Variants in DOCK5 observed in about 807,000 individuals in gnomAD.
DOCK5 encodes the protein dedicator of cytokinesis protein 5.
Under a neutral mutation model 251.8 loss-of-function variants are expected in DOCK5, and 142 were observed. The observed-to-expected ratio is 0.56, with a 90% CI of 0.49 to 0.65. The LOEUF (loss-of-function observed/expected upper bound fraction) is 0.65. DOCK5 is among the 30% of genes least tolerant of loss of function. The pLI, the probability that DOCK5 is intolerant of heterozygous loss-of-function variation, is 0.00. For synonymous variants in DOCK5, 842 were observed against 835.5 expected (o/e 1.01, Z -0.13); for missense variants, 2,111 against 2,312.3 (o/e 0.91, Z 1.79).
At position 25,259,151 on chromosome 8, in the gene DOCK5, GAATA is replaced by G. The variant is rs896431900; in HGVS notation, c.128-9687_128-9684del. ...TGAATAAATGAATGAATGCATGAAT[GAATA>G]AATAAAGCCAGAAGACTTATCTCCT... On this transcript the variant is annotated intron_variant, in intron 2 of 51. Transcript: ENST00000276440. 1.2e-4 allele frequency among the ~76,000 whole-genome samples: 18 copies of G among 152,276 alleles called. 1 individual carries two copies. The South Asian group carries it at 2.9e-3, about 25-fold the overall frequency.
intron 37 of DOCK5, chr8:25,375,776 A>G (rs1437460295): frequency 1.0e-5 from 10 of 985,322 alleles, no homozygotes; most frequent in Non-Finnish European, 1.1e-5. Flanking sequence ...TTCACAATTC[A>G]TATTTAAGTT....
chr8:25,302,348 C>G lies in DOCK5; in HGVS notation c.870C>G (p.Ile290Met). 6.2e-7 allele frequency: 1 copy of G among 1,612,920 alleles called. No homozygotes were observed. Among genetic ancestry groups the G allele is most frequent in the Non-Finnish European group, 8.5e-7 (1 of 1,179,406 alleles). ...VFTDLSSMDLIRPRVSLVCQI... is the reference protein window; with the variant it reads ...VFTDLSSMDLMRPRVSLVCQI... ...AGGACCTTAGCAGCATGGACCTCAT[C>G]CGGCCCCGCGTCAGCCTTGTGTGCC... The change falls in exon 10 of 52, where the codon ATC (isoleucine) becomes ATG (methionine). Residue 290 changes from isoleucine to methionine, a missense_variant. Ile to Met is a conservative substitution (Grantham distance 10). Transcript: ENST00000276440.
intron 13 of DOCK5, among the ~76,000 whole-genome samples, chr8:25,310,873 A>C (rs1805074147): frequency 1.3e-5 from 2 of 152,060 alleles, no homozygotes; most frequent in South Asian, 2.1e-4. Context: ...AATGCTTTTA[A>C]ACATAACTCA....
intron 3 of DOCK5, among the ~76,000 whole-genome samples, chr8:25,273,535 G>A (rs1219057274): frequency 2.0e-5 from 3 of 152,350 alleles, no homozygotes; most frequent in African/African-American, 7.2e-5. Flanking sequence ...CCCGGAGGGC[G>A]GAGGTTGCAG....
intron 27 of DOCK5, among the ~76,000 whole-genome samples, chr8:25,357,502 C>G (rs145192852): frequency 6.7e-6 from 1 of 150,368 alleles, no homozygotes; most frequent in African/African-American, 2.5e-5. Context: ...CTCAGCCTCC[C>G]GAGTAGCTGG....
intron 16 of DOCK5, among the ~76,000 whole-genome samples, chr8:25,321,634 C>A (rs775822860): frequency 1.3e-5 from 2 of 152,002 alleles, no homozygotes; most frequent in Non-Finnish European, 2.9e-5. Context: ...CAACAGGAGG[C>A]GGAGCTCAGG....
rs1389586266 is a variant in DOCK5, at chr8:25,215,932, T to TATAC, written c.44-27741_44-27740insTACA. Reference sequence around the variant, plus strand: ...AATCTTTTCAAATCCTGGAAATAAATACACACACACACACACACACACACA... The same window carrying TATAC: ...AATCTTTTCAAATCCTGGAAATAAATATACACACACACACACACACACACACACA... On this transcript the variant is annotated intron_variant, in intron 1 of 51. Transcript: ENST00000276440. 3.8e-3 allele frequency among the ~76,000 whole-genome samples: 531 copies of TATAC among 141,264 alleles called. 4 individuals carry two copies. Among genetic ancestry groups the TATAC allele is most frequent in the African/African-American group, 0.012 (487 of 39,048 alleles). The allele number at this position is 141,264 out of a possible 152,430, so 92.7% of individuals were successfully genotyped here.
At chr8:25,347,332 C>T (rs1024583430) in intron 26 of DOCK5, among the ~76,000 whole-genome samples, 2 of 152,190 alleles carry the variant, frequency 1.3e-5, no homozygotes, top group African/African-American at 2.4e-5. Flanking sequence ...CTTCCCTAAG[C>T]CCCTGTAGCC....
intron 1 of DOCK5, among the ~76,000 whole-genome samples, chr8:25,190,829 G>C (rs1239873400): frequency 8.3e-6 from 1 of 120,714 alleles, no homozygotes; most frequent in African/African-American, 3.0e-5. Flanking sequence ...TGTCGCCCAG[G>C]GTGGAGTGCA....
chr8:25,278,192 C>A (rs1804097836), intron 4 of DOCK5, among the ~76,000 whole-genome samples: 2 of 152,172 alleles, frequency 1.3e-5, no homozygotes, highest in South Asian at 4.1e-4. Context: ...ACACACCTTT[C>A]CATCCAGCCT....
chr8:25,401,196 G>A, intron 47 of DOCK5, 130 bp downstream of exon 47: 3 of 1,305,268 alleles, frequency 2.3e-6, no homozygotes, highest in Non-Finnish European at 3.2e-6. Flanking sequence ...GAGGCTGGTG[G>A]GAGAGAGTGT....
At chr8:25,356,593 A>G (rs909195761) in intron 27 of DOCK5, among the ~76,000 whole-genome samples, 12 of 151,980 alleles carry the variant, frequency 7.9e-5, no homozygotes, top group Non-Finnish European at 1.8e-4. Flanking sequence ...CTTGAGCCCC[A>G]GGGAAGTCGA....
At chr8:25,351,518 C>T in intron 26 of DOCK5, 1 of 508,672 alleles carries the variant, frequency 2.0e-6, no homozygotes, top group East Asian at 3.4e-5. Flanking sequence ...CAGCCACATT[C>T]ATCTTTTAAG....
intron 37 of DOCK5, chr8:25,376,387 T>C: frequency 1.0e-6 from 1 of 984,704 alleles, no homozygotes; most frequent in Non-Finnish European, 1.2e-6. Context: ...ATTACTAAAT[T>C]CTTATTTTGG....
At chr8:25,401,657 C>T (rs549712798) in intron 47 of DOCK5, among the ~76,000 whole-genome samples, 1 of 152,136 alleles carries the variant, frequency 6.6e-6, no homozygotes, top group South Asian at 2.1e-4. Context: ...TTGCTTGTAC[C>T]CAGGAGGCGG....
intron 4 of DOCK5, among the ~76,000 whole-genome samples, chr8:25,276,254 T>C (rs1161264252): frequency 6.6e-6 from 1 of 152,170 alleles, no homozygotes; most frequent in Non-Finnish European, 1.5e-5. Flanking sequence ...GGGGAAACAA[T>C]CTGACCCTAC....
At chr8:25,374,350 G>A (rs1462791514) in intron 36 of DOCK5, among the ~76,000 whole-genome samples, 2 of 152,000 alleles carry the variant, frequency 1.3e-5, no homozygotes, top group African/African-American at 4.8e-5. Context: ...CAAAAGATAC[G>A]AAAATTAGCC....
intron 1 of DOCK5, among the ~76,000 whole-genome samples, chr8:25,240,809 G>C (rs1802920022): frequency 6.6e-6 from 1 of 152,200 alleles, no homozygotes; most frequent in African/African-American, 2.4e-5. Context: ...TCTCAAGACA[G>C]TGGGGGTTTA....
chr8:25,325,678 GCT>G, intron 18 of DOCK5, 131 bp downstream of exon 18: 1 of 1,061,830 alleles, frequency 9.4e-7, no homozygotes, highest in Non-Finnish European at 1.3e-6. Flanking sequence ...ATTGGATTCT[GCT>G]CTCTGCTTTT....
Sources: allele counts gnomAD v4.1 joint callset (sites outside exome capture counted in the v4.1 genomes callset), GRCh38; gene constraint gnomAD v4.1.1; transcripts MANE v1.5; gene names NCBI Gene and HGNC (gene_info 2026-07-23, HGNC 2026-07-21).